Variants in SIPA1L3 observed in about 807,000 individuals in gnomAD.
The protein encoded by SIPA1L3 is signal-induced proliferation-associated 1-like protein 3.
SIPA1L3 carries 59 observed loss-of-function variants against 150.1 expected under a neutral mutation model. That is an observed-to-expected ratio of 0.39 (90% CI 0.32 to 0.49). The LOEUF is 0.49. SIPA1L3 is among the 20% of genes least tolerant of loss of function. The pLI, the probability that SIPA1L3 is intolerant of heterozygous loss-of-function variation, is 0.86. For synonymous variants in SIPA1L3, 1,070 were observed against 1,077.6 expected, an observed-to-expected ratio of 0.99 and a Z score of 0.14; for missense variants, 2,211 against 2,489.5, an observed-to-expected ratio of 0.89 and a Z score of 2.38.
chr19:38,007,306 A>C (rs981702514), intron 1 of SIPA1L3, among the ~76,000 whole-genome samples: 5 of 152,120 alleles, frequency 3.3e-5, no homozygotes, highest in Non-Finnish European at 7.4e-5. Flanking sequence ...TACAAAAATT[A>C]GCCAGGCGTG....
At chr19:38,149,337 G>A (rs556584820) in intron 12 of SIPA1L3, among the ~76,000 whole-genome samples, 130 of 152,068 alleles carry the variant, frequency 8.5e-4, no homozygotes, top group Admixed American at 1.6e-3. Flanking sequence ...GTGGAAGTTC[G>A]CGTCACTGCT....
At chr19:38,167,096 G>A (rs974502093) in intron 15 of SIPA1L3, among the ~76,000 whole-genome samples, 3 of 152,022 alleles carry the variant, frequency 2.0e-5, no homozygotes, top group Admixed American at 2.0e-4. Context: ...AGCTGGGCGT[G>A]GTGGTGGGCA....
At chr19:38,014,820 C>T (rs1968194800) in intron 1 of SIPA1L3, among the ~76,000 whole-genome samples, 1 of 151,996 alleles carries the variant, frequency 6.6e-6, no homozygotes, top group Non-Finnish European at 1.5e-5. Flanking sequence ...CAGGTGCCTG[C>T]CACCACGCCT....
intron 3 of SIPA1L3, among the ~76,000 whole-genome samples, chr19:38,083,783 G>A (rs1011132904): frequency 2.0e-5 from 3 of 152,108 alleles, no homozygotes; most frequent in Non-Finnish European, 2.9e-5. Context: ...TTGAGGTCAG[G>A]AGTTCAAGAC....
chr19:38,017,873 C>G (rs1420142608), intron 1 of SIPA1L3, among the ~76,000 whole-genome samples: 3 of 152,056 alleles, frequency 2.0e-5, no homozygotes, highest in African/African-American at 4.8e-5. Context: ...GTGAAACAGC[C>G]AGAGGGATCT....
chr19:37,946,302 TTG>T (rs1555768316), intron 1 of SIPA1L3, among the ~76,000 whole-genome samples: 1 of 151,824 alleles, frequency 6.6e-6, no homozygotes, highest in Non-Finnish European at 1.5e-5. Flanking sequence ...ACACTTTTTT[TTG>T]TGTGTGTGTG....
intron 15 of SIPA1L3, among the ~76,000 whole-genome samples, chr19:38,168,731 T>C (rs1972261215): frequency 6.6e-6 from 1 of 152,090 alleles, no homozygotes; most frequent in Non-Finnish European, 1.5e-5. Context: ...AAGGAAAGGA[T>C]CTGCTGAACC....
chr19:38,114,658 C>T (rs1031817865), intron 8 of SIPA1L3, among the ~76,000 whole-genome samples: 3 of 152,170 alleles, frequency 2.0e-5, no homozygotes, highest in Non-Finnish European at 4.4e-5. Context: ...TAAAACTATG[C>T]CCACCATACC....
intron 2 of SIPA1L3, among the ~76,000 whole-genome samples, chr19:38,041,058 C>T (rs1240949190): frequency 4.0e-5 from 6 of 151,088 alleles, no homozygotes; most frequent in East Asian, 3.9e-4. Flanking sequence ...CCACCGTGTC[C>T]GGCCCCTATC....
intron 1 of SIPA1L3, among the ~76,000 whole-genome samples, chr19:37,936,427 C>T (rs565146618): frequency 1.2e-4 from 19 of 152,326 alleles, no homozygotes; most frequent in African/African-American, 4.6e-4. Flanking sequence ...CTCCCAAAGA[C>T]TGTAAGAGTG....
chr19:38,073,433 C>T, intron 2 of SIPA1L3, among the ~76,000 whole-genome samples: 1 of 152,250 alleles, frequency 6.6e-6, no homozygotes. Context: ...TCTTCCGTTA[C>T]TCGCAGCCAA....
chr19:37,945,564 G>T (rs2046703214), intron 1 of SIPA1L3, among the ~76,000 whole-genome samples: 1 of 151,912 alleles, frequency 6.6e-6, no homozygotes, highest in African/African-American at 2.4e-5. Context: ...ATACATCTAT[G>T]TGAGTACCGC....
In SIPA1L3 at chr19:38,141,419, C is replaced by G. The variant is rs1362841090; in HGVS notation, c.3379C>G (p.Pro1127Ala). Reference sequence around the variant, plus strand: ...CATAGTCCCCTTCCGGGAGTCCCAGCCACTGCACAGCAAGAGGTAAGCACC... The same window carrying G: ...CATAGTCCCCTTCCGGGAGTCCCAGGCACTGCACAGCAAGAGGTAAGCACC... ...TPIVPFRESQ[P>A]LHSKRPVSFP... Residue 1127 changes from proline to alanine, a missense_variant, in exon 11 of 22, where the codon CCA becomes GCA. Coordinates refer to ENST00000222345, the MANE Select transcript of SIPA1L3 (RefSeq NM_015073.3). 1 of 1,609,688 alleles carries G rather than the reference C, an allele frequency of 6.2e-7. No homozygotes were observed. Among genetic ancestry groups the G allele is most frequent in the Non-Finnish European group, 8.5e-7 (1 of 1,179,814 alleles).
intron 2 of SIPA1L3, among the ~76,000 whole-genome samples, chr19:38,079,558 G>A (rs1969930216): frequency 8.0e-6 from 1 of 124,258 alleles, no homozygotes; most frequent in African/African-American, 3.2e-5. Flanking sequence ...TGTTTTTGGG[G>A]ATTTTTTTTT....
chr19:38,117,523 G>A (rs1970914419), intron 8 of SIPA1L3, among the ~76,000 whole-genome samples: 1 of 151,992 alleles, frequency 6.6e-6, no homozygotes, highest in Admixed American at 6.6e-5. Context: ...GGAGGATGAG[G>A]CAGGAGAATT....
intron 1 of SIPA1L3, among the ~76,000 whole-genome samples, chr19:37,914,311 A>G (rs1476577525): frequency 1.3e-5 from 2 of 152,062 alleles, no homozygotes; most frequent in African/African-American, 4.8e-5. Flanking sequence ...TGAGTTTGCT[A>G]CAAAGAGTAT....
chr19:38,035,172 T>A (rs1568512988), intron 2 of SIPA1L3, among the ~76,000 whole-genome samples: 2 of 152,192 alleles, frequency 1.3e-5, no homozygotes, highest in Non-Finnish European at 2.9e-5. Flanking sequence ...GTTTCTACCA[T>A]CTTCTCCACC....
intron 1 of SIPA1L3, among the ~76,000 whole-genome samples, chr19:37,918,659 C>T (rs1287199111): frequency 2.0e-5 from 3 of 151,732 alleles, no homozygotes; most frequent in African/African-American, 4.8e-5. Context: ...CACCTGAGGT[C>T]AGGAGTTCAA....
At chr19:38,205,167 G>A (rs966290953) in intron 21 of SIPA1L3, among the ~76,000 whole-genome samples, 1 of 152,060 alleles carries the variant, frequency 6.6e-6, no homozygotes, top group African/African-American at 2.4e-5. Context: ...TCCATGGGGC[G>A]GAAGGATGAG....
Sources: gnomAD v4.1 joint callset for allele counts (sites outside exome capture counted in the v4.1 genomes callset) on GRCh38, gnomAD v4.1.1 for gene constraint, MANE v1.5 for transcripts, NCBI Gene and HGNC (gene_info 2026-07-23, HGNC 2026-07-21) for gene names.